AGPAT5: variants seen among roughly 807,000 people sequenced by gnomAD.
The protein encoded by AGPAT5 is 1-acylglycerol-3-phosphate O-acyltransferase 5, also known as 1-acyl-sn-glycerol-3-phosphate acyltransferase epsilon.
Under a neutral mutation model 45.6 loss-of-function variants are expected in AGPAT5, and 46 were observed. The observed-to-expected ratio is 1.01, with a 90% CI of 0.80 to 1.29. The LOEUF is 1.29. Among genes scored for constraint, AGPAT5 ranks in the 50% most tolerant of loss-of-function variants. The pLI is 0.00. For missense variants in AGPAT5, 673 were observed against 450.7 expected, an observed-to-expected ratio of 1.49 and a Z score of -4.47; for synonymous variants, 272 against 167.0, an observed-to-expected ratio of 1.63 and a Z score of -4.85.
intron 4 of AGPAT5, among the ~76,000 whole-genome samples, chr8:6,737,812 A>G (rs12682646): frequency 0.47 from 71,848 of 152,066 alleles, 17,074 homozygotes; most frequent in African/African-American, 0.51. Context: ...TAGCTTATAC[A>G]TCAGTACTTG....
intron 1 of AGPAT5, among the ~76,000 whole-genome samples, chr8:6,719,538 G>A (rs1360057083): frequency 6.6e-6 from 1 of 152,138 alleles, no homozygotes; most frequent in African/African-American, 2.4e-5. Flanking sequence ...TGGTCATTTG[G>A]TAGATTATGT....
chr8:6,720,682 G>A lies in AGPAT5; in HGVS notation c.220-4188G>A, dbSNP rs74953664. Among the ~76,000 whole-genome samples the A allele has an allele frequency of 2.4e-3, 363 of 152,308 alleles. 6 individuals carry two copies. Among genetic ancestry groups the A allele is most frequent in the East Asian group, 0.016 (81 of 5,184 alleles). On this transcript the variant is annotated intron_variant, in intron 1 of 7. Coordinates refer to ENST00000285518, the MANE Select transcript of AGPAT5 (RefSeq NM_018361.5). The stretch of plus-strand genomic sequence containing the variant: ...AAATTAGAGAGTCATCAATCACGCA[G>A]ATCCAGTACAGAGGGTGGCCTGACC...
Position 6,739,644 on chromosome 8 carries a change from C to CT in AGPAT5, c.496-2015dup, listed in dbSNP as rs537890458. Among the ~76,000 whole-genome samples the CT allele has an allele frequency of 5.9e-5, 9 of 152,148 alleles. No individual in the cohort carries two copies. In the East Asian group the frequency reaches 1.7e-3, roughly 29 times the overall value. ...GCTAAACTTATTTATCATCTAGTAACTTACAAAATATATTCCTTAGGATTT... is the reference window on the plus strand; with the variant it reads ...GCTAAACTTATTTATCATCTAGTAACTTTACAAAATATATTCCTTAGGATTT... On this transcript the variant is annotated intron_variant, in intron 4 of 7. Transcript: ENST00000285518.
At chr8:6,715,914 A>G (rs1040344860) in intron 1 of AGPAT5, among the ~76,000 whole-genome samples, 3 of 152,308 alleles carry the variant, frequency 2.0e-5, no homozygotes, top group African/African-American at 7.2e-5. Context: ...TGATAACATA[A>G]TAAACATGAG....
intron 1 of AGPAT5, chr8:6,709,162 A>C (rs1467721326): frequency 1.9e-6 from 1 of 527,624 alleles, no homozygotes; most frequent in Non-Finnish European, 3.4e-6. Context: ...TGCTTAGCAA[A>C]GTGGGTGCAG....
At position 6,741,577 on chromosome 8, in the gene AGPAT5, A is replaced by T; in HGVS notation, c.496-84A>T. ...CTACTGTAGGAAATACTCTGTTAGC[A>T]TTAGTAGGTTTAGCTTTTTTAGGTT... On this transcript the variant is annotated intron_variant, in intron 4 of 7. Coordinates refer to ENST00000285518, the MANE Select transcript of AGPAT5 (RefSeq NM_018361.5). 3.4e-6 allele frequency: 3 copies of T among 877,054 alleles called. No individual in the cohort carries two copies. In the South Asian group the frequency reaches 4.9e-5, roughly 14 times the overall value. 54.3% of individuals were successfully genotyped at this position (877,054 alleles called of 1,614,324 possible).
chr8:6,709,040 T>G, intron 1 of AGPAT5, 153 bp downstream of exon 1: 1 of 784,618 alleles, frequency 1.3e-6, no homozygotes, highest in South Asian at 1.5e-5. Flanking sequence ...CCTCTCCGCA[T>G]GCTTCCTGCC....
intron 4 of AGPAT5, among the ~76,000 whole-genome samples, chr8:6,736,223 A>C (rs1331998306): frequency 6.6e-6 from 1 of 152,240 alleles, no homozygotes; most frequent in Non-Finnish European, 1.5e-5. Flanking sequence ...AAACTAAGAA[A>C]TAAACATTGG....
At chr8:6,753,089 A>G (rs1801710165) in intron 6 of AGPAT5, among the ~76,000 whole-genome samples, 1 of 152,176 alleles carries the variant, frequency 6.6e-6, no homozygotes, top group African/African-American at 2.4e-5. Context: ...TAATTAACAT[A>G]CTCAAAAGCA....
In AGPAT5 at chr8:6,747,774, G is replaced by C. The variant is rs1461439043; in HGVS notation, c.691G>C (p.Val231Leu). 3 of 1,614,050 alleles carry C rather than the reference G, an allele frequency of 1.9e-6. No homozygotes were observed. The highest frequency in any genetic ancestry group is 1.3e-5 in the African/African-American group (1 of 74,914). ...AGATGCAATTTATGATGTTACGGTG[G>C]TTTATGAAGGGAAAGACGATGGAGG... The part of the protein sequence containing the change: ...YLDAIYDVTV[V>L]YEGKDDGGQR... Residue 231 changes from valine to leucine, a missense_variant, in exon 6 of 8, where the codon GTT becomes CTT. By Grantham distance (32) the Val-to-Leu change is conservative. Coordinates refer to ENST00000285518, the MANE Select transcript of AGPAT5 (RefSeq NM_018361.5).
At chr8:6,717,662 T>C (rs1372319866) in intron 1 of AGPAT5, among the ~76,000 whole-genome samples, 1 of 152,230 alleles carries the variant, frequency 6.6e-6, no homozygotes, top group South Asian at 2.1e-4. Flanking sequence ...CTGTTGCATA[T>C]GTAAGCAGGT....
In AGPAT5 at chr8:6,741,686, G is replaced by C. The variant is rs1277479748; in HGVS notation, c.521G>C (p.Gly174Ala). 1.2e-6 allele frequency: 2 copies of C among 1,610,578 alleles called. No homozygotes were observed. The highest frequency in any genetic ancestry group is 1.7e-5 in the Admixed American group (1 of 59,416). Reference protein sequence around the residue: ...TPMYLVIFPEGTRYNPEQTKV... With the variant: ...TPMYLVIFPEATRYNPEQTKV... The stretch of plus-strand genomic sequence containing the variant: ...ATGTATCTTGTGATTTTTCCAGAAG[G>C]TACAAGGTATAATCCAGAGCAAACA... Residue 174 changes from glycine to alanine, a missense_variant, in exon 5 of 8, where the codon GGT becomes GCT. Gly to Ala is a moderately conservative substitution (Grantham distance 60). Transcript: ENST00000285518.
intron 1 of AGPAT5, among the ~76,000 whole-genome samples, chr8:6,710,115 G>T (rs1446276102): frequency 1.3e-5 from 2 of 151,760 alleles, no homozygotes; most frequent in Middle Eastern, 3.2e-3. Flanking sequence ...AGAACACAAA[G>T]TCATTCACCT....
intron 4 of AGPAT5, among the ~76,000 whole-genome samples, chr8:6,735,743 G>C (rs1468406246): frequency 2.0e-5 from 3 of 151,976 alleles, no homozygotes; most frequent in African/African-American, 7.3e-5. Flanking sequence ...ATACTTAATG[G>C]AAGCCGCCTC....
chr8:6,741,495 C>T (rs1307084124), intron 4 of AGPAT5, among the ~76,000 whole-genome samples, 166 bp from the exon 5 acceptor site: 1 of 152,134 alleles, frequency 6.6e-6, no homozygotes, highest in Non-Finnish European at 1.5e-5. Flanking sequence ...TTAATTGTTG[C>T]ATTTTGTTTG....
rs765034415 is a variant in AGPAT5 at position 6,757,203 on chromosome 8, A to C, written c.910A>C (p.Arg304=). The part of the protein sequence containing the change: ...EFYESPDPER[R]KRFPGKSVNS... Reference sequence around the variant, plus strand: ...TTATGAGTCACCAGATCCAGAAAGAAGAAAAAGATTTCCTGGGAAAAGTGT... The same window carrying C: ...TTATGAGTCACCAGATCCAGAAAGACGAAAAAGATTTCCTGGGAAAAGTGT... Residue 304 remains arginine, a synonymous_variant, in exon 8 of 8, where the codon AGA becomes CGA. Coordinates refer to ENST00000285518, the MANE Select transcript of AGPAT5 (RefSeq NM_018361.5). 1 of 1,614,130 alleles carries C rather than the reference A, an allele frequency of 6.2e-7. No homozygotes were observed. Among genetic ancestry groups the C allele is most frequent in the Non-Finnish European group, 8.5e-7 (1 of 1,180,018 alleles).
chr8:6,757,215 C>G lies in AGPAT5; in HGVS notation c.922C>G (p.Pro308Ala). 1 of 1,614,136 alleles carries G rather than the reference C, an allele frequency of 6.2e-7. No individual in the cohort carries two copies. Among genetic ancestry groups the G allele is most frequent in the South Asian group, 1.1e-5 (1 of 91,082 alleles). ...SPDPERRKRF[P>A]GKSVNSKLSI... ...AGATCCAGAAAGAAGAAAAAGATTT[C>G]CTGGGAAAAGTGTTAATTCCAAATT... The change falls in exon 8 of 8, where the codon CCT (proline) becomes GCT (alanine). Residue 308 changes from proline (P) to alanine (A), a missense_variant. Transcript: ENST00000285518.
chr8:6,743,721 A>G (rs1372940553), intron 5 of AGPAT5, among the ~76,000 whole-genome samples: 2 of 151,394 alleles, frequency 1.3e-5, no homozygotes, highest in African/African-American at 2.4e-5. Flanking sequence ...ATGTGGAATT[A>G]AATGTATCTT....
In AGPAT5 at chr8:6,761,210, ACT is replaced by A. The variant is rs1458478036; in HGVS notation, c.*3826_*3827del. Among the ~76,000 whole-genome samples, 12 of 152,326 alleles carry A rather than the reference ACT, an allele frequency of 7.9e-5. No individual in the cohort carries two copies. Among genetic ancestry groups the A allele is most frequent in the South Asian group, 2.1e-4 (1 of 4,824 alleles). ...GAGGGAAGTATAATATGTGGAACAA[ACT>A]CTCAACAAAATGTTTATTGATGTTG... On this transcript the variant is annotated 3_prime_UTR_variant, in exon 8 of 8. Coordinates refer to ENST00000285518, the MANE Select transcript of AGPAT5 (RefSeq NM_018361.5).
Sources: allele counts gnomAD v4.1 joint callset (sites outside exome capture counted in the v4.1 genomes callset), GRCh38; gene constraint gnomAD v4.1.1; transcripts MANE v1.5; gene names NCBI Gene and HGNC (gene_info 2026-07-23, HGNC 2026-07-21).